ITFG1: variants seen among roughly 807,000 people sequenced by gnomAD.
The protein encoded by ITFG1 is T-cell immunomodulatory protein.
In ITFG1, 34 loss-of-function variants were observed where a neutral mutation model predicts 81.8. The observed-to-expected ratio is 0.42, with a 90% CI of 0.32 to 0.55. The LOEUF (loss-of-function observed/expected upper bound fraction) is 0.55, where lower values mean the gene tolerates loss of function less well. Among genes scored for constraint, ITFG1 ranks in the 20% least tolerant of loss-of-function variants. ITFG1 has a pLI of 0.17. For synonymous variants in ITFG1, 285 were observed against 270.6 expected (o/e 1.05, Z -0.52); for missense variants, 672 against 755.4 (o/e 0.89, Z 1.29).
chr16:47,166,374 A>T (rs556280050), intron 14 of ITFG1, among the ~76,000 whole-genome samples: 13 of 152,386 alleles, frequency 8.5e-5, no homozygotes, highest in African/African-American at 2.9e-4. Context: ...AGAGATAATC[A>T]TTATTACATT....
intron 8 of ITFG1, among the ~76,000 whole-genome samples, chr16:47,317,208 T>G (rs1327912908): frequency 1.3e-5 from 2 of 152,176 alleles, no homozygotes; most frequent in Admixed American, 6.5e-5. Context: ...TATAAATACT[T>G]TATTGAAATA....
chr16:47,184,303 A>G (rs771318571), intron 14 of ITFG1, among the ~76,000 whole-genome samples: 1 of 152,216 alleles, frequency 6.6e-6, no homozygotes, highest in Non-Finnish European at 1.5e-5. Flanking sequence ...CCTCGAGAAG[A>G]GCAACTCCAG....
chr16:47,414,726 G>C (rs1298131613), intron 6 of ITFG1, among the ~76,000 whole-genome samples: 1 of 152,066 alleles, frequency 6.6e-6, no homozygotes, highest in Non-Finnish European at 1.5e-5. Flanking sequence ...GAACACTTCA[G>C]GAAGAAGAAA....
intron 14 of ITFG1, among the ~76,000 whole-genome samples, chr16:47,213,279 A>G (rs1268595864): frequency 6.6e-6 from 1 of 152,124 alleles, no homozygotes; most frequent in East Asian, 1.9e-4. Flanking sequence ...CTATGGTTTC[A>G]CTTGTTTAAA....
intron 5 of ITFG1, among the ~76,000 whole-genome samples, chr16:47,439,696 G>A (rs1200123516): frequency 4.6e-5 from 7 of 152,154 alleles, no homozygotes; most frequent in African/African-American, 1.4e-4. Flanking sequence ...CACTAAACAT[G>A]GAAAGGAACA....
intron 8 of ITFG1, among the ~76,000 whole-genome samples, chr16:47,344,727 C>A (rs1394857521): frequency 6.6e-6 from 1 of 152,160 alleles, no homozygotes; most frequent in Non-Finnish European, 1.5e-5. Context: ...CACCTCATTA[C>A]CCTTCTCAGC....
At chr16:47,316,981 T>TA (rs1284226875) in intron 8 of ITFG1, among the ~76,000 whole-genome samples, 1 of 152,178 alleles carries the variant, frequency 6.6e-6, no homozygotes. Context: ...CTTCAGTAAA[T>TA]ACGTATCTCA....
At chr16:47,263,649 C>T (rs192010395) in intron 10 of ITFG1, 41 of 173,812 alleles carry the variant, frequency 2.4e-4, no homozygotes, top group African/African-American at 7.2e-5. Context: ...CTATGTGTTA[C>T]CAGTCCTTAA....
intron 12 of ITFG1, among the ~76,000 whole-genome samples, chr16:47,250,295 AT>A (rs1364267349): frequency 6.6e-6 from 1 of 151,792 alleles, no homozygotes; most frequent in Non-Finnish European, 1.5e-5. Context: ...TTTTGAAGCA[AT>A]TTTAATCTTG....
intron 10 of ITFG1, among the ~76,000 whole-genome samples, chr16:47,292,357 C>A (rs954692950): frequency 1.3e-5 from 2 of 152,126 alleles, no homozygotes; most frequent in African/African-American, 4.8e-5. Flanking sequence ...ATATTGATGT[C>A]TCTGTATTCG....
intron 12 of ITFG1, among the ~76,000 whole-genome samples, chr16:47,245,792 C>T (rs904358452): frequency 2.6e-5 from 4 of 151,322 alleles, no homozygotes; most frequent in African/African-American, 9.7e-5. Flanking sequence ...ATCTTCATAT[C>T]AAGACTGTGA....
At chr16:47,186,146 A>C (rs1227553180) in intron 14 of ITFG1, among the ~76,000 whole-genome samples, 1 of 152,100 alleles carries the variant, frequency 6.6e-6, no homozygotes, top group Non-Finnish European at 1.5e-5. Context: ...AGAGTCCAGG[A>C]CCAGATGGAT....
intron 6 of ITFG1, among the ~76,000 whole-genome samples, chr16:47,401,982 A>C: frequency 6.6e-6 from 1 of 152,118 alleles, no homozygotes; most frequent in East Asian, 1.9e-4. Context: ...TTCACAACTC[A>C]GAATACTCTT....
chr16:47,448,823 G>A (rs747657220), intron 5 of ITFG1: 3 of 151,906 alleles, frequency 2.0e-5, no homozygotes, highest in Admixed American at 6.6e-5. Context: ...TTAACAGCTA[G>A]GTGTTATTTC....
Position 47,445,693 on chromosome 16 carries a change from A to C in ITFG1, c.560+5703T>G, listed in dbSNP as rs1596989993. On this transcript the variant is annotated intron_variant, in intron 5 of 17. Transcript: ENST00000320640. ...ACCTATTTTGACCAAGAGAATATAA[A>C]AGAAATGACACTTGTTTAACTTCCA... is the stretch of plus-strand genomic sequence containing the variant. 2.0e-5 allele frequency among the ~76,000 whole-genome samples: 3 copies of C among 152,324 alleles called. No individual in the cohort carries two copies. The East Asian group carries it at 5.8e-4, about 29-fold the overall frequency.
At chr16:47,273,027 G>T (rs1966360017) in intron 10 of ITFG1, among the ~76,000 whole-genome samples, 1 of 151,108 alleles carries the variant, frequency 6.6e-6, no homozygotes, top group Non-Finnish European at 1.5e-5. Context: ...TTAATGTGCT[G>T]TAAGCAACTG....
At chr16:47,387,347 C>A (rs114975860) in intron 6 of ITFG1, among the ~76,000 whole-genome samples, 2,911 of 152,294 alleles carry the variant, frequency 0.019, 93 homozygotes, top group African/African-American at 0.066. Context: ...GAGTGGAGGG[C>A]AGTATCCAAA....
intron 8 of ITFG1, among the ~76,000 whole-genome samples, chr16:47,353,654 C>CA (rs374223915): frequency 3.2e-4 from 49 of 151,346 alleles, no homozygotes; most frequent in Middle Eastern, 3.4e-3. Flanking sequence ...TAGACTCCAT[C>CA]AAAAAAAACC....
chr16:47,183,724 G>T (rs981457807), intron 14 of ITFG1, among the ~76,000 whole-genome samples: 1 of 152,226 alleles, frequency 6.6e-6, no homozygotes, highest in Non-Finnish European at 1.5e-5. Context: ...CTAAAAAGCA[G>T]AGCGCCTCTC....
Sources: allele counts gnomAD v4.1 joint callset (sites outside exome capture counted in the v4.1 genomes callset), GRCh38; gene constraint gnomAD v4.1.1; transcripts MANE v1.5; gene names NCBI Gene and HGNC (gene_info 2026-07-23, HGNC 2026-07-21).